The following TYR variants were observed in gnomAD, a reference collection of about 807,000 sequenced individuals.
TYR encodes LB24-AB.
In TYR, 58 loss-of-function variants were observed where a neutral mutation model predicts 51.5. The observed-to-expected ratio is 1.13, with a 90% CI of 0.91 to 1.40. The LOEUF (loss-of-function observed/expected upper bound fraction) is 1.40. TYR is among the 40% of genes most tolerant of loss of function. TYR has a pLI of 0.00. For missense variants in TYR, 732 were observed against 647.4 expected (o/e 1.13, Z -1.42); for synonymous variants, 263 against 235.2 (o/e 1.12, Z -1.08).
chr11:89,245,324 TTCAA>T (rs1455250343), intron 3 of TYR, among the ~76,000 whole-genome samples: 10 of 152,166 alleles, frequency 6.6e-5, no homozygotes, highest in African/African-American at 2.4e-4. Flanking sequence ...AATTGACTCA[TTCAA>T]TCAATAGTTA....
chr11:89,182,654 A>G (rs957184435), intron 1 of TYR, among the ~76,000 whole-genome samples: 1 of 152,140 alleles, frequency 6.6e-6, no homozygotes, highest in African/African-American at 2.4e-5. Context: ...TTGTTTGCTC[A>G]TTTATTTAAC....
intron 1 of TYR, among the ~76,000 whole-genome samples, chr11:89,179,093 A>T (rs1444637359): frequency 6.6e-6 from 1 of 152,232 alleles, no homozygotes; most frequent in Non-Finnish European, 1.5e-5. Context: ...TTGTGAATTG[A>T]ATAAATGAGT....
chr11:89,192,182 G>T, intron 2 of TYR: 1 of 182,362 alleles, frequency 5.5e-6, no homozygotes, highest in Non-Finnish European at 1.2e-5. Context: ...TTTTCATCTT[G>T]CTTGCATTTT....
intron 3 of TYR, among the ~76,000 whole-genome samples, chr11:89,249,255 T>C (rs1427638779): frequency 1.3e-5 from 2 of 152,034 alleles, no homozygotes; most frequent in Admixed American, 6.6e-5. Context: ...ATTTAAGTTT[T>C]AAAACTTAAT....
At chr11:89,255,986 G>A (rs1247067848) in intron 3 of TYR, among the ~76,000 whole-genome samples, 2 of 151,106 alleles carry the variant, frequency 1.3e-5, no homozygotes, top group Non-Finnish European at 3.0e-5. Context: ...TTAAACAGTG[G>A]CATTTTACTT....
chr11:89,230,623 ACTATAC>A (rs1236907009), intron 3 of TYR, among the ~76,000 whole-genome samples: 1 of 152,128 alleles, frequency 6.6e-6, no homozygotes, highest in African/African-American at 2.4e-5. Flanking sequence ...ATATTTGCAA[ACTATAC>A]CTCTGATAAG....
At chr11:89,269,531 C>A (rs1468154678) in intron 3 of TYR, among the ~76,000 whole-genome samples, 1 of 151,760 alleles carries the variant, frequency 6.6e-6, no homozygotes, top group Admixed American at 6.6e-5. Flanking sequence ...ATTATTTAGG[C>A]CTTTTTGGTT....
Position 89,178,765 on chromosome 11 carries a change from C to G in TYR, c.812C>G (p.Ser271Cys). ...NLLSPASFFS[S>C]WQIVCSRLEE... ...CTCAGCCCAGCATCATTCTTCTCCT[C>G]TTGGCAGGTAAGATATGCTAGATAT... The change falls in exon 1 of 5, where the codon TCT becomes TGT. Residue 271 changes from serine to cysteine, a missense_variant. Ser to Cys is a moderately radical substitution (Grantham distance 112). Transcript: ENST00000263321. 1.2e-6 allele frequency: 2 copies of G among 1,614,072 alleles called. No individual in the cohort carries two copies. The highest frequency in any genetic ancestry group is 1.7e-6 in the Non-Finnish European group (2 of 1,180,010).
At position 89,295,379 on chromosome 11, in the gene TYR, A is replaced by G; in HGVS notation, c.*13A>G. 4 of 1,566,244 alleles carry G rather than the reference A, an allele frequency of 2.6e-6. No homozygotes were observed. Among genetic ancestry groups the G allele is most frequent in the Non-Finnish European group, 3.5e-6 (4 of 1,142,512 alleles). Reference sequence around the variant, plus strand: ...GAGCCATTTATAAAAGGCTTAGGCAATAGAGTAGGGCCAAAAAGCCTGACC... The same window carrying G: ...GAGCCATTTATAAAAGGCTTAGGCAGTAGAGTAGGGCCAAAAAGCCTGACC... On this transcript the variant is annotated 3_prime_UTR_variant, in exon 5 of 5. Coordinates refer to ENST00000263321, the MANE Select transcript of TYR (RefSeq NM_000372.5).
intron 3 of TYR, among the ~76,000 whole-genome samples, chr11:89,229,441 AT>A (rs1203460627): frequency 6.6e-6 from 1 of 151,960 alleles, no homozygotes; most frequent in Non-Finnish European, 1.5e-5. Flanking sequence ...TTTGGTGTAA[AT>A]TTTTTGCCAT....
chr11:89,195,887 C>T (rs558951990), intron 2 of TYR, among the ~76,000 whole-genome samples: 13 of 151,362 alleles, frequency 8.6e-5, no homozygotes, highest in Non-Finnish European at 1.6e-4. Context: ...TTTTTGTTTA[C>T]TTTTTCTTTT....
At position 89,285,604 on chromosome 11, in the gene TYR, G is replaced by A. The variant is rs1290107273; in HGVS notation, c.1366+650G>A. Among the ~76,000 whole-genome samples the A allele has an allele frequency of 7.9e-5, 12 of 151,766 alleles. No individual in the cohort carries two copies. The East Asian group carries it at 1.9e-3, about 25-fold the overall frequency. ...CATGTCAGTATCTTCTTGACAAAAT[G>A]AGGAACAGATAGTAGTGTTTCCTTC... On this transcript the variant is annotated intron_variant, in intron 4 of 4. Coordinates refer to ENST00000263321, the MANE Select transcript of TYR (RefSeq NM_000372.5).
intron 3 of TYR, among the ~76,000 whole-genome samples, chr11:89,274,888 T>A (rs2135317452): frequency 6.6e-6 from 1 of 151,926 alleles, no homozygotes; most frequent in Admixed American, 6.6e-5. Context: ...CAATGTGAGC[T>A]GTTTAGGTCC....
chr11:89,214,635 G>A (rs113027632), intron 2 of TYR, among the ~76,000 whole-genome samples: 1 of 152,256 alleles, frequency 6.6e-6, no homozygotes, highest in East Asian at 1.9e-4. Flanking sequence ...CAACCCAAAT[G>A]TCCATCAATA....
At chr11:89,180,994 C>A (rs555209659) in intron 1 of TYR, among the ~76,000 whole-genome samples, 1 of 152,274 alleles carries the variant, frequency 6.6e-6, no homozygotes, top group East Asian at 1.9e-4. Flanking sequence ...TTTTTATGCA[C>A]CTAATTTCTT....
intron 2 of TYR, among the ~76,000 whole-genome samples, chr11:89,210,204 GA>G (rs1943734382): frequency 6.6e-6 from 1 of 152,096 alleles, no homozygotes; most frequent in Admixed American, 6.6e-5. Flanking sequence ...CCCATCGCAA[GA>G]AAGCTAAAAA....
At chr11:89,203,603 T>C (rs749261047) in intron 2 of TYR, among the ~76,000 whole-genome samples, 1 of 151,972 alleles carries the variant, frequency 6.6e-6, no homozygotes, top group Non-Finnish European at 1.5e-5. Context: ...ACAGAAAGAA[T>C]GTAAATAGTG....
At chr11:89,202,779 A>G (rs1943616132) in intron 2 of TYR, among the ~76,000 whole-genome samples, 1 of 152,106 alleles carries the variant, frequency 6.6e-6, no homozygotes, top group Admixed American at 6.5e-5. Flanking sequence ...AAGATGTAAT[A>G]ATTAATGGAG....
rs192124970 is a variant in TYR at position 89,212,188 on chromosome 11, G to T, written c.1037-15635G>T. 3.0e-3 allele frequency among the ~76,000 whole-genome samples: 453 copies of T among 152,094 alleles called. 1 individual carries two copies. The highest frequency in any genetic ancestry group is 0.01 in the African/African-American group (430 of 41,510). The stretch of plus-strand genomic sequence containing the variant: ...TTTGAAAAGATCAACAAAATAGATA[G>T]AACATTAGCAAGACTAATAAAAGAG... On this transcript the variant is annotated intron_variant, in intron 2 of 4. Coordinates refer to ENST00000263321, the MANE Select transcript of TYR (RefSeq NM_000372.5).
Sources: allele counts gnomAD v4.1 joint callset (sites outside exome capture counted in the v4.1 genomes callset), GRCh38; gene constraint gnomAD v4.1.1; transcripts MANE v1.5; gene names NCBI Gene and HGNC (gene_info 2026-07-23, HGNC 2026-07-21).